The following MAD1L1 variants were observed in gnomAD, a reference collection of about 807,000 sequenced individuals.
MAD1L1 encodes the protein mitotic spindle assembly checkpoint protein MAD1.
MAD1L1 carries 95 observed loss-of-function variants against 96.9 expected under a neutral mutation model. That is an observed-to-expected ratio of 0.98 (90% CI 0.83 to 1.16). MAD1L1 has a LOEUF of 1.16. Among genes scored for constraint, MAD1L1 ranks in the 50% most tolerant of loss-of-function variants. The probability of loss-of-function intolerance (pLI) is 0.00; values close to 1 mark genes in which losing one functional copy is unlikely to be tolerated. For missense variants in MAD1L1, 1,007 were observed against 954.4 expected (o/e 1.06, Z -0.73); for synonymous variants, 473 against 396.6 (o/e 1.19, Z -2.29).
chr7:1,944,915 C>A (rs890273053), intron 16 of MAD1L1, among the ~76,000 whole-genome samples: 2 of 152,228 alleles, frequency 1.3e-5, no homozygotes, highest in African/African-American at 4.8e-5. Context: ...GGCAGGGGAC[C>A]GGCTGGCCTG....
intron 17 of MAD1L1, among the ~76,000 whole-genome samples, chr7:1,914,241 C>T (rs1788226356): frequency 6.6e-6 from 1 of 152,206 alleles, no homozygotes; most frequent in South Asian, 2.1e-4. Context: ...GGAGACCAGA[C>T]AGGCATCAGC....
chr7:2,122,037 A>G (rs1403051603), intron 11 of MAD1L1, among the ~76,000 whole-genome samples: 1 of 152,184 alleles, frequency 6.6e-6, no homozygotes, highest in Non-Finnish European at 1.5e-5. Flanking sequence ...GACTGGAGGG[A>G]CAGAGGAACT....
At position 1,964,335 on chromosome 7, in the gene MAD1L1, T is replaced by C. The variant is rs185603320; in HGVS notation, c.1506-6616A>G. ...GAGCAAAATGCTTTCAAGGGCTGAA[T>C]TGGAATGAGCGCACGCGTGTAGCTG... On this transcript the variant is annotated intron_variant, in intron 15 of 18. Coordinates refer to ENST00000265854, the MANE Select transcript of MAD1L1 (RefSeq NM_001013836.2). 2.5e-4 allele frequency among the ~76,000 whole-genome samples: 38 copies of C among 152,250 alleles called. 1 individual carries two copies. Among genetic ancestry groups the C allele is most frequent in the African/African-American group, 7.0e-4 (29 of 41,544 alleles).
intron 18 of MAD1L1, among the ~76,000 whole-genome samples, chr7:1,857,239 A>G (rs991902332): frequency 6.6e-6 from 1 of 152,178 alleles, no homozygotes; most frequent in Non-Finnish European, 1.5e-5. Context: ...ACCAGGAGGC[A>G]CGGCTGTCCC....
intron 17 of MAD1L1, among the ~76,000 whole-genome samples, chr7:1,917,385 G>A (rs960186586): frequency 6.6e-6 from 1 of 152,182 alleles, no homozygotes; most frequent in African/African-American, 2.4e-5. Context: ...TAAGGACATG[G>A]GGGCCGAGAC....
In MAD1L1 at chr7:1,834,261, T is replaced by C. The variant is rs182618665; in HGVS notation, c.1999-18033A>G. ...AAATCAGAGACTTCAGCTTCGACCT[T>C]AAGGAACTAAAGAAGGGCAAATTAG... On this transcript the variant is annotated intron_variant, in intron 18 of 18. Transcript: ENST00000265854. 1.6e-3 allele frequency among the ~76,000 whole-genome samples: 250 copies of C among 151,864 alleles called. 2 individuals are homozygous for C. Among genetic ancestry groups the C allele is most frequent in the African/African-American group, 5.9e-3 (243 of 41,392 alleles).
At chr7:2,231,159 G>A (rs1434396227) in intron 1 of MAD1L1, among the ~76,000 whole-genome samples, 1 of 152,138 alleles carries the variant, frequency 6.6e-6, no homozygotes, top group East Asian at 1.9e-4. Flanking sequence ...CTAGCCGGGT[G>A]TGGTGGTGTG....
chr7:1,952,602 G>A (rs1387954380), intron 16 of MAD1L1, among the ~76,000 whole-genome samples: 1 of 152,112 alleles, frequency 6.6e-6, no homozygotes, highest in Non-Finnish European at 1.5e-5. Context: ...GGTGGCTCAC[G>A]CATGGGAGGG....
chr7:2,148,510 T>A (rs956487162), intron 11 of MAD1L1: 3 of 152,140 alleles, frequency 2.0e-5, no homozygotes, highest in Admixed American at 1.3e-4. Flanking sequence ...GCAGTGGGGG[T>A]CCTAGGAAAC....
intron 17 of MAD1L1, among the ~76,000 whole-genome samples, chr7:1,926,521 C>T (rs1360077630): frequency 3.9e-4 from 2 of 5,164 alleles, no homozygotes; most frequent in African/African-American, 4.3e-4. Flanking sequence ...TATGCCATAA[C>T]CAAGGGGGGG....
At chr7:1,893,471 G>A (rs1786675614) in intron 18 of MAD1L1, among the ~76,000 whole-genome samples, 2 of 152,362 alleles carry the variant, frequency 1.3e-5, no homozygotes, top group African/African-American at 4.8e-5. Context: ...GACATGGCCA[G>A]GAGGCTGGGG....
intron 16 of MAD1L1, among the ~76,000 whole-genome samples, chr7:1,951,659 A>AG (rs1211572131): frequency 6.6e-6 from 1 of 152,086 alleles, no homozygotes; most frequent in Non-Finnish European, 1.5e-5. Flanking sequence ...TGATGACTCT[A>AG]GGGGCCTCGT....
intron 13 of MAD1L1, among the ~76,000 whole-genome samples, chr7:2,011,509 C>T (rs762690372): frequency 1.4e-4 from 21 of 152,194 alleles, no homozygotes; most frequent in Non-Finnish European, 2.9e-4. Context: ...CAGGAGCTGG[C>T]GGCACCCCCA....
intron 18 of MAD1L1, among the ~76,000 whole-genome samples, chr7:1,825,677 G>C (rs144242105): frequency 6.6e-6 from 1 of 152,242 alleles, no homozygotes; most frequent in Non-Finnish European, 1.5e-5. Flanking sequence ...CATGCACACA[G>C]CTCTGCACGA....
rs1562570345 is a variant in MAD1L1 at position 1,968,968 on chromosome 7, T to TGGCAGCGTGAGATGTC, written c.1506-11265_1506-11250dup. Reference sequence around the variant, plus strand: ...AGTCACACGCCGGTGACGAGCACCATGGCAGCGTGAGATGTCAACAGCGAG... The same window carrying TGGCAGCGTGAGATGTC: ...AGTCACACGCCGGTGACGAGCACCATGGCAGCGTGAGATGTCGGCAGCGTGAGATGTCAACAGCGAG... On this transcript the variant is annotated intron_variant, in intron 15 of 18. Transcript: ENST00000265854. The surrounding 1 kb of genome is among the most constrained non-coding windows in gnomAD (Gnocchi z 5.6). 6.6e-6 allele frequency among the ~76,000 whole-genome samples: 1 copy of TGGCAGCGTGAGATGTC among 152,190 alleles called. No homozygotes were observed. The highest frequency in any genetic ancestry group is 1.5e-5 in the Non-Finnish European group (1 of 68,046).
At chr7:2,051,053 AG>A (rs1442339187) in intron 12 of MAD1L1, among the ~76,000 whole-genome samples, 1 of 152,254 alleles carries the variant, frequency 6.6e-6, no homozygotes, top group Non-Finnish European at 1.5e-5. Flanking sequence ...GAGTTTAAAG[AG>A]AGCATGTTTC....
At chr7:2,106,315 C>T (rs1011921692) in intron 11 of MAD1L1, among the ~76,000 whole-genome samples, 3 of 152,070 alleles carry the variant, frequency 2.0e-5, no homozygotes, top group African/African-American at 7.3e-5. Flanking sequence ...GCCATGGTCA[C>T]TCACACTCCC....
At chr7:2,130,933 T>A (rs939201693) in intron 11 of MAD1L1, among the ~76,000 whole-genome samples, 49 of 152,240 alleles carry the variant, frequency 3.2e-4, no homozygotes, top group Non-Finnish European at 4.4e-5. Context: ...CGCAGAAGGA[T>A]GCTGAGATCT....
intron 12 of MAD1L1, among the ~76,000 whole-genome samples, chr7:2,017,916 G>A (rs1005169914): frequency 2.6e-5 from 4 of 152,148 alleles, no homozygotes; most frequent in African/African-American, 9.7e-5. Flanking sequence ...CAGCCCTTGG[G>A]CCTGGGCTTG....
Sources: allele counts gnomAD v4.1 joint callset (sites outside exome capture counted in the v4.1 genomes callset), GRCh38; gene constraint gnomAD v4.1.1; non-coding constraint Gnocchi (gnomAD v3.1); transcripts MANE v1.5; gene names NCBI Gene and HGNC (gene_info 2026-07-23, HGNC 2026-07-21).